The following TMC7 variants were observed in gnomAD, a reference collection of about 807,000 sequenced individuals.
The protein encoded by TMC7 is transmembrane channel like 7, also known as transmembrane channel-like protein 7.
Under a neutral mutation model 82.9 loss-of-function variants are expected in TMC7, and 54 were observed. The ratio of observed to expected loss-of-function variants is 0.65; its 90% CI spans 0.52 to 0.82. TMC7 has a LOEUF of 0.82. Ranked by LOEUF, TMC7 falls within the 40% of genes least tolerant of loss-of-function variation. The probability of loss-of-function intolerance (pLI) is 0.00; values close to 1 mark genes in which losing one functional copy is unlikely to be tolerated. For synonymous variants in TMC7, 350 were observed against 337.9 expected (o/e 1.04, Z -0.39); for missense variants, 820 against 901.2 (o/e 0.91, Z 1.15).
At chr16:19,018,808 C>A (rs143176519) in intron 3 of TMC7, among the ~76,000 whole-genome samples, 2,029 of 152,060 alleles carry the variant, frequency 0.013, 24 homozygotes, top group Non-Finnish European at 0.021. Context: ...AAAAAAAAAC[C>A]AAAATACAAA....
At chr16:19,028,647 AATTATTATT>A (rs368148992) in intron 5 of TMC7, among the ~76,000 whole-genome samples, 2 of 151,044 alleles carry the variant, frequency 1.3e-5, no homozygotes, top group Non-Finnish European at 1.5e-5. Flanking sequence ...GAGCTTCTTT[AATTATTATT>A]ATTATTATTA....
chr16:19,047,298 C>T (rs1334053252), intron 12 of TMC7, 49 bp downstream of exon 12: 2 of 1,558,426 alleles, frequency 1.3e-6, no homozygotes, highest in Admixed American at 1.8e-5. Flanking sequence ...CATTTTCGAC[C>T]TTCCAGGGCA....
intron 1 of TMC7, among the ~76,000 whole-genome samples, chr16:18,990,563 G>A (rs2038932826): frequency 6.6e-6 from 1 of 152,206 alleles, no homozygotes; most frequent in African/African-American, 2.4e-5. Context: ...AACAGGCTTT[G>A]CGTGAGCAGC....
At position 19,040,355 on chromosome 16, in the gene TMC7, C is replaced by A; in HGVS notation, c.1246C>A (p.Leu416Met). 3 of 1,613,962 alleles carry A rather than the reference C, an allele frequency of 1.9e-6. No homozygotes were observed. Among genetic ancestry groups the A allele is most frequent in the Middle Eastern group, 1.7e-4 (1 of 6,034 alleles). The change falls in exon 9 of 16, where the codon CTG (leucine) becomes ATG (methionine). Residue 416 changes from leucine (L) to methionine (M), a missense_variant. Physicochemically the swap from Leu to Met is conservative, Grantham distance 15. Transcript: ENST00000304381. ...GTATCTACCGTCTATTGTGATCACG[C>A]TGGCCAATTTTATCACCCCAATGAT... Reference protein sequence around the residue: ...ILYLPSIVITLANFITPMIFA... With the variant: ...ILYLPSIVITMANFITPMIFA...
At position 19,047,156 on chromosome 16, in the gene TMC7, C is replaced by A; in HGVS notation, c.1647C>A (p.Tyr549Ter). The change falls in exon 12 of 16, where the codon TAC (tyrosine) becomes TAA (stop). Residue 549 changes from tyrosine (Y) to a stop codon, truncating the protein, a stop_gained. Coordinates refer to ENST00000304381, the MANE Select transcript of TMC7 (RefSeq NM_024847.4). LOFTEE classifies it high-confidence loss of function. ...AIPDNVLGIV[Y>*]GQTICWIGAF... ...CTGATAACGTCCTGGGGATAGTTTA[C>A]GGGCAAACCATCTGCTGGATCGGAG... 1 of 1,613,974 alleles carries A rather than the reference C, an allele frequency of 6.2e-7. No individual in the cohort carries two copies. The highest frequency in any genetic ancestry group is 8.5e-7 in the Non-Finnish European group (1 of 1,180,006).
chr16:19,021,837 T>G (rs1959992752), intron 4 of TMC7, 41 bp downstream of exon 4: 1 of 1,601,158 alleles, frequency 6.2e-7, no homozygotes, highest in African/African-American at 1.3e-5. Flanking sequence ...GTGTTTGTTT[T>G]TCACCATGTA....
At chr16:19,037,416 G>A (rs1960803846) in intron 7 of TMC7, among the ~76,000 whole-genome samples, 2 of 146,448 alleles carry the variant, frequency 1.4e-5, no homozygotes, top group South Asian at 2.2e-4. Context: ...AAGAAAAAAA[G>A]TAGTTGGGCT....
Position 18,998,671 on chromosome 16 carries a change from G to A in TMC7, c.68-10501G>A, listed in dbSNP as rs561743264. Among the ~76,000 whole-genome samples, 16 of 151,926 alleles carry A rather than the reference G, an allele frequency of 1.1e-4. No homozygotes were observed. In the East Asian group the frequency reaches 1.6e-3, roughly 15 times the overall value. ...TGGGAGGCTGAGGCAGGAGAATGGC[G>A]TGAACCCAGGAGGCGGAGCTTGCAG... On this transcript the variant is annotated intron_variant, in intron 1 of 15. Coordinates refer to ENST00000304381, the MANE Select transcript of TMC7 (RefSeq NM_024847.4).
chr16:18,998,169 A>G (rs1479147314), intron 1 of TMC7, among the ~76,000 whole-genome samples: 1 of 152,138 alleles, frequency 6.6e-6, no homozygotes, highest in Non-Finnish European at 1.5e-5. Context: ...TTTACAGAAA[A>G]CGTTTGCTGA....
chr16:19,001,375 TA>T (rs2039137924), intron 1 of TMC7, among the ~76,000 whole-genome samples: 1 of 151,996 alleles, frequency 6.6e-6, no homozygotes, highest in African/African-American at 2.4e-5. Context: ...AACACACAAG[TA>T]AAAAATTAAA....
intron 7 of TMC7, among the ~76,000 whole-genome samples, chr16:19,037,410 A>G (rs1344595427): frequency 6.6e-6 from 1 of 150,680 alleles, no homozygotes; most frequent in African/African-American, 2.4e-5. Context: ...AAAAGAAAGA[A>G]AAAAAGTAGT....
intron 5 of TMC7, among the ~76,000 whole-genome samples, chr16:19,029,355 C>T (rs999365456): frequency 6.6e-6 from 1 of 152,006 alleles, no homozygotes; most frequent in Non-Finnish European, 1.5e-5. Flanking sequence ...TTATTCTTTT[C>T]GATGCTATGG....
intron 1 of TMC7, among the ~76,000 whole-genome samples, chr16:19,002,847 G>A (rs572563668): frequency 2.0e-5 from 3 of 152,218 alleles, no homozygotes; most frequent in Admixed American, 6.5e-5. Flanking sequence ...CATCCCAACA[G>A]CAAGGCTCTT....
At chr16:18,988,729 A>C (rs571946379) in intron 1 of TMC7, among the ~76,000 whole-genome samples, 33 of 152,260 alleles carry the variant, frequency 2.2e-4, no homozygotes, top group South Asian at 1.0e-3. Context: ...CGTTGTGCCT[A>C]TACTTTCTGG....
At chr16:18,994,996 C>G (rs2039017941) in intron 1 of TMC7, among the ~76,000 whole-genome samples, 2 of 151,502 alleles carry the variant, frequency 1.3e-5, no homozygotes, top group Non-Finnish European at 2.9e-5. Flanking sequence ...TGGGGAGATA[C>G]AAGGAAAGGA....
intron 1 of TMC7, among the ~76,000 whole-genome samples, chr16:18,992,019 T>C (rs34123750): frequency 0.57 from 86,328 of 152,020 alleles, 24,666 homozygotes; most frequent in East Asian, 0.76. Flanking sequence ...GGGTTGGTTC[T>C]AAGTCTTTGC....
intron 1 of TMC7, chr16:18,984,349 CA>C: frequency 7.7e-7 from 1 of 1,296,420 alleles, no homozygotes; most frequent in Non-Finnish European, 9.7e-7. Context: ...CCAGCCGGGC[CA>C]AAAGGACACG....
At chr16:19,023,678 C>A (rs756185905) in intron 5 of TMC7, among the ~76,000 whole-genome samples, 2 of 152,152 alleles carry the variant, frequency 1.3e-5, no homozygotes, top group African/African-American at 4.8e-5. Context: ...AACTCCTGAA[C>A]TCAGGTGGTC....
At chr16:19,011,152 A>G (rs1014595642) in intron 2 of TMC7, among the ~76,000 whole-genome samples, 1 of 152,158 alleles carries the variant, frequency 6.6e-6, no homozygotes, top group Non-Finnish European at 1.5e-5. Context: ...CATTTCTACC[A>G]GAGAGAATTT....
Sources: gnomAD v4.1 joint callset for allele counts (sites outside exome capture counted in the v4.1 genomes callset) on GRCh38, gnomAD v4.1.1 for gene constraint, MANE v1.5 for transcripts, NCBI Gene and HGNC (gene_info 2026-07-23, HGNC 2026-07-21) for gene names.